Variants in RIMS2 observed in about 807,000 individuals in gnomAD.
RIMS2 encodes the protein regulating synaptic membrane exocytosis protein 2.
Under a neutral mutation model 174.4 loss-of-function variants are expected in RIMS2, and 59 were observed. That is an observed-to-expected ratio of 0.34 (90% CI 0.27 to 0.42). The LOEUF is 0.42. RIMS2 is among the 10% of genes least tolerant of loss of function. RIMS2 has a pLI of 1.00. For missense variants in RIMS2, 1,620 were observed against 1,666.3 expected, an observed-to-expected ratio of 0.97 and a Z score of 0.48; for synonymous variants, 606 against 572.5, an observed-to-expected ratio of 1.06 and a Z score of -0.84.
At chr8:103,821,081 G>T (rs953627683) in intron 3 of RIMS2, among the ~76,000 whole-genome samples, 1 of 150,952 alleles carries the variant, frequency 6.6e-6, no homozygotes, top group Non-Finnish European at 1.5e-5. Flanking sequence ...ATTAATATTA[G>T]GGTTTAGGTA....
chr8:103,853,848 A>G (rs1363491576), intron 3 of RIMS2, among the ~76,000 whole-genome samples: 10 of 152,058 alleles, frequency 6.6e-5, no homozygotes, highest in Non-Finnish European at 1.5e-4. Context: ...TTTGCTTAGG[A>G]TGGCTTTGGC....
At chr8:104,105,764 C>T (rs370924357) in intron 19 of RIMS2, among the ~76,000 whole-genome samples, 1 of 152,032 alleles carries the variant, frequency 6.6e-6, no homozygotes, top group Non-Finnish European at 1.5e-5. Context: ...GAAGGCTGGG[C>T]ATGGTGGCTC....
intron 18 of RIMS2, 148 bp from the exon 21 acceptor site, chr8:104,014,358 C>A: frequency 1.9e-6 from 1 of 515,574 alleles, no homozygotes; most frequent in Non-Finnish European, 3.5e-6. Context: ...TTCAGATATC[C>A]ATATTTTGTC....
At chr8:104,135,433 T>A (rs1304956853) in intron 19 of RIMS2, among the ~76,000 whole-genome samples, 1 of 151,702 alleles carries the variant, frequency 6.6e-6, no homozygotes, top group Non-Finnish European at 1.5e-5. Context: ...ACTTGATCTC[T>A]ACAAAAAGGA....
intron 1 of RIMS2, among the ~76,000 whole-genome samples, chr8:103,676,159 T>C (rs1470430715): frequency 6.6e-6 from 1 of 152,200 alleles, no homozygotes; most frequent in Non-Finnish European, 1.5e-5. Flanking sequence ...TAAGAGTTCC[T>C]AGTGACCTAG....
At chr8:103,589,514 G>C (rs1348739056) in intron 1 of RIMS2, among the ~76,000 whole-genome samples, 1 of 151,654 alleles carries the variant, frequency 6.6e-6, no homozygotes, top group Non-Finnish European at 1.5e-5. Flanking sequence ...ATGGAGAACA[G>C]TTTGGAGTTT....
chr8:103,940,985 G>A (rs2082405629), intron 13 of RIMS2, among the ~76,000 whole-genome samples: 1 of 152,012 alleles, frequency 6.6e-6, no homozygotes, highest in Non-Finnish European at 1.5e-5. Flanking sequence ...TATATTCCTG[G>A]CACTACCACT....
chr8:104,005,209 T>C (rs2095529598), intron 17 of RIMS2, among the ~76,000 whole-genome samples: 1 of 152,202 alleles, frequency 6.6e-6, no homozygotes, highest in Non-Finnish European at 1.5e-5. Context: ...GGATAGTGAT[T>C]GGAAGTTGGA....
At chr8:103,684,208 G>A (rs1361271186) in intron 1 of RIMS2, among the ~76,000 whole-genome samples, 1 of 152,002 alleles carries the variant, frequency 6.6e-6, no homozygotes, top group African/African-American at 2.4e-5. Context: ...GGTTTCTTGT[G>A]CCCATCACTC....
At chr8:103,983,842 C>T (rs898257193) in intron 16 of RIMS2, among the ~76,000 whole-genome samples, 1 of 152,110 alleles carries the variant, frequency 6.6e-6, no homozygotes, top group African/African-American at 2.4e-5. Context: ...ATCTTGGCAA[C>T]AATTTCTTGA....
intron 19 of RIMS2, among the ~76,000 whole-genome samples, chr8:104,212,562 A>C (rs1431124591): frequency 6.6e-6 from 1 of 152,168 alleles, no homozygotes; most frequent in Non-Finnish European, 1.5e-5. Context: ...AGAGCAGTTT[A>C]ATTTTTGTTA....
chr8:103,886,196 A>T (rs777126837), exon 4 of RIMS2: 13 of 1,611,422 alleles, frequency 8.1e-6, no homozygotes, highest in East Asian at 4.5e-5. Flanking sequence ...TGATGTTGAG[A>T]TTGAAAGTGA....
chr8:103,952,576 A>G (rs2085760560), intron 14 of RIMS2, among the ~76,000 whole-genome samples: 1 of 152,226 alleles, frequency 6.6e-6, no homozygotes, highest in Admixed American at 6.5e-5. Context: ...ATCAACAAAA[A>G]GGACGTCCAC....
chr8:103,652,164 C>A, intron 1 of RIMS2, 41 bp from the exon 2 acceptor site: 1 of 1,214,406 alleles, frequency 8.2e-7, no homozygotes, highest in Non-Finnish European at 1.1e-6. Flanking sequence ...GAAATCTCTT[C>A]ATAGTACAGT....
At chr8:103,840,544 A>G (rs1056472427) in intron 3 of RIMS2, among the ~76,000 whole-genome samples, 6 of 152,036 alleles carry the variant, frequency 3.9e-5, no homozygotes, top group African/African-American at 1.2e-4. Context: ...CTCTTTTGCC[A>G]CTGTGAAAGT....
At position 104,069,013 on chromosome 8, in the gene RIMS2, T is replaced by C. The variant is rs538891990; in HGVS notation, c.3334+54398T>C. ...CAAAATACAAATGGTGCCTGCCTTA[T>C]AGTGGATCAACTTACAAGTTTTTGA... On this transcript the variant is annotated intron_variant, in intron 19 of 23. Coordinates refer to ENST00000504942, the Ensembl canonical transcript of RIMS2. Among the ~76,000 whole-genome samples, 66 of 152,350 alleles carry C rather than the reference T, an allele frequency of 4.3e-4. No individual in the cohort carries two copies. The Middle Eastern group carries it at 0.017, about 39-fold the overall frequency.
chr8:103,998,354 G>A, intron 17 of RIMS2: 3 of 600,194 alleles, frequency 5.0e-6, no homozygotes, highest in Non-Finnish European at 5.7e-6. Flanking sequence ...ATACATATAT[G>A]GTTGTTAATG....
chr8:103,537,937 AC>A (rs1840607949), intron 1 of RIMS2, among the ~76,000 whole-genome samples: 2 of 152,076 alleles, frequency 1.3e-5, no homozygotes, highest in Non-Finnish European at 2.9e-5. Context: ...CATTTTGGTT[AC>A]CTGCAAAAAA....
At chr8:103,687,718 G>C (rs1590341664) in intron 1 of RIMS2, among the ~76,000 whole-genome samples, 3 of 152,034 alleles carry the variant, frequency 2.0e-5, no homozygotes, top group African/African-American at 7.2e-5. Context: ...ACCTCTATGA[G>C]TTGAACTTTT....
Sources: allele counts gnomAD v4.1 joint callset (sites outside exome capture counted in the v4.1 genomes callset), GRCh38; gene constraint gnomAD v4.1.1; transcripts MANE v1.5; gene names NCBI Gene and HGNC (gene_info 2026-07-23, HGNC 2026-07-21).